The following CNOT4 variants were observed in gnomAD, a reference collection of about 807,000 sequenced individuals.
The protein encoded by CNOT4 is CCR4-NOT transcription complex subunit 4, also known as CCR4-associated factor 4.
In CNOT4, 8 loss-of-function variants were observed where a neutral mutation model predicts 73.8. The observed-to-expected ratio is 0.11, with a 90% CI of 0.06 to 0.20. The LOEUF is 0.20. Ranked by LOEUF, CNOT4 falls within the 10% of genes least tolerant of loss-of-function variation. CNOT4 has a pLI of 1.00. For synonymous variants in CNOT4, 293 were observed against 321.1 expected (o/e 0.91, Z 0.94); for missense variants, 564 against 883.4 (o/e 0.64, Z 4.58).
At chr7:135,405,405 G>C (rs1797225874) in intron 7 of CNOT4, among the ~76,000 whole-genome samples, 1 of 151,990 alleles carries the variant, frequency 6.6e-6, no homozygotes, top group South Asian at 2.1e-4. Context: ...CACTGTCTTG[G>C]GCACAGCAGC....
chr7:135,425,183 T>C (rs1045351952), intron 2 of CNOT4, among the ~76,000 whole-genome samples: 4 of 152,234 alleles, frequency 2.6e-5, no homozygotes, highest in Admixed American at 6.5e-5. Context: ...AATCTGGTTC[T>C]TCATCACAGA....
chr7:135,388,420 T>C, intron 10 of CNOT4: 4 of 984,336 alleles, frequency 4.1e-6, no homozygotes, highest in Non-Finnish European at 4.8e-6. Context: ...ATTAGGATAT[T>C]ATTTTTTCAC....
chr7:135,423,469 G>A (rs1408247896), intron 2 of CNOT4, among the ~76,000 whole-genome samples: 4 of 145,246 alleles, frequency 2.8e-5, no homozygotes, highest in East Asian at 3.9e-4. Context: ...ATATATAAGC[G>A]TTAAAAAAAA....
intron 1 of CNOT4, among the ~76,000 whole-genome samples, chr7:135,438,940 G>T (rs2129485345): frequency 6.6e-6 from 1 of 152,122 alleles, no homozygotes; most frequent in South Asian, 2.1e-4. Context: ...TAGAACCATA[G>T]ACCTTAACAA....
chr7:135,389,157 C>CAAAAAAAA (rs11292254), intron 10 of CNOT4, among the ~76,000 whole-genome samples: 8 of 83,684 alleles, frequency 9.6e-5, no homozygotes, highest in African/African-American at 3.1e-4. Context: ...AACATACTAC[C>CAAAAAAAA]AAAAAAAAAA....
At chr7:135,476,805 C>T (rs996547728) in intron 1 of CNOT4, among the ~76,000 whole-genome samples, 1 of 152,118 alleles carries the variant, frequency 6.6e-6, no homozygotes, top group African/African-American at 2.4e-5. Context: ...AATCCCATCT[C>T]TACAAAAAAT....
intron 1 of CNOT4, among the ~76,000 whole-genome samples, chr7:135,477,772 C>G (rs1222853663): frequency 6.6e-6 from 1 of 152,102 alleles, no homozygotes; most frequent in Non-Finnish European, 1.5e-5. Context: ...ATTAGTATAA[C>G]AAAAACAAAC....
intron 9 of CNOT4, 78 bp downstream of exon 9, chr7:135,395,556 C>T: frequency 7.0e-7 from 1 of 1,425,146 alleles, no homozygotes; most frequent in South Asian, 1.4e-5. Flanking sequence ...AAAATATATC[C>T]ACTAATGAGT....
In CNOT4 at chr7:135,376,766, A is replaced by G. The variant is rs1055077699; in HGVS notation, c.1628-12700T>C. Among the ~76,000 whole-genome samples the G allele has an allele frequency of 2.6e-5, 4 of 152,186 alleles. No homozygotes were observed. The East Asian group carries it at 7.7e-4, about 29-fold the overall frequency. ...AAAAGATGGCTCCTATCAGCATCGA[A>G]TTGTCTTAAGCATTTAAATCAACAT... On this transcript the variant is annotated intron_variant, in intron 10 of 11. Coordinates refer to ENST00000541284, the MANE Select transcript of CNOT4 (RefSeq NM_001190850.2).
intron 7 of CNOT4, among the ~76,000 whole-genome samples, chr7:135,407,145 G>T (rs1468296822): frequency 6.6e-6 from 1 of 152,160 alleles, no homozygotes; most frequent in South Asian, 2.1e-4. Context: ...TGCTATCGCT[G>T]TATATGATGT....
chr7:135,373,236 G>C (rs997563550), intron 10 of CNOT4, among the ~76,000 whole-genome samples: 4 of 152,214 alleles, frequency 2.6e-5, no homozygotes, highest in Non-Finnish European at 5.9e-5. Flanking sequence ...GGGAATATCA[G>C]GAAAAGCCAC....
At chr7:135,488,867 A>G (rs1802916316) in intron 1 of CNOT4, among the ~76,000 whole-genome samples, 1 of 152,192 alleles carries the variant, frequency 6.6e-6, no homozygotes. Flanking sequence ...CAATGTAGAG[A>G]AAGAATAAGT....
chr7:135,406,247 A>G (rs1427340650), intron 7 of CNOT4, among the ~76,000 whole-genome samples: 1 of 151,868 alleles, frequency 6.6e-6, no homozygotes, highest in Non-Finnish European at 1.5e-5. Flanking sequence ...TGGGCCATTA[A>G]TTGTCACTTA....
intron 2 of CNOT4, among the ~76,000 whole-genome samples, chr7:135,423,429 C>G (rs1248501436): frequency 6.7e-6 from 1 of 149,614 alleles, no homozygotes; most frequent in Non-Finnish European, 1.5e-5. Flanking sequence ...TTTGCTATGA[C>G]TTTAAAGTAA....
At position 135,464,910 on chromosome 7, in the gene CNOT4, T is replaced by C. The variant is rs550657511; in HGVS notation, c.-92-26487A>G. On this transcript the variant is annotated intron_variant, in intron 1 of 11. Coordinates refer to ENST00000541284, the MANE Select transcript of CNOT4 (RefSeq NM_001190850.2). ...TAATGACCAGAAAAATCTAAAGATA[T>C]TGCACAAATGAGTTTTTCCTAAGGT... 7.2e-5 allele frequency among the ~76,000 whole-genome samples: 11 copies of C among 152,220 alleles called. No individual in the cohort carries two copies. In the East Asian group the frequency reaches 1.7e-3, roughly 24 times the overall value.
intron 1 of CNOT4, among the ~76,000 whole-genome samples, chr7:135,447,759 AACTGTAGGCCAGCTAG>A (rs1466765634): frequency 6.6e-6 from 1 of 152,182 alleles, no homozygotes; most frequent in African/African-American, 2.4e-5. Context: ...ATACAGGCTA[AACTGTAGGCCAGCTAG>A]TTTGCAGGTG....
At chr7:135,400,478 T>C (rs1176142211) in intron 7 of CNOT4, among the ~76,000 whole-genome samples, 1 of 152,136 alleles carries the variant, frequency 6.6e-6, no homozygotes, top group Non-Finnish European at 1.5e-5. Context: ...TTCTAGTGTC[T>C]GGATCTTGGT....
chr7:135,371,740 T>C (rs993220259), intron 10 of CNOT4, among the ~76,000 whole-genome samples: 1 of 152,128 alleles, frequency 6.6e-6, no homozygotes, highest in African/African-American at 2.4e-5. Context: ...AATACTCATG[T>C]GCAAAGTTAT....
chr7:135,481,613 A>C (rs1802385676), intron 1 of CNOT4, among the ~76,000 whole-genome samples: 1 of 152,198 alleles, frequency 6.6e-6, no homozygotes, highest in African/African-American at 2.4e-5. Context: ...AAAAGAAAAG[A>C]ATCAGTGTAT....
Sources: allele counts gnomAD v4.1 joint callset (sites outside exome capture counted in the v4.1 genomes callset), GRCh38; gene constraint gnomAD v4.1.1; transcripts MANE v1.5; gene names NCBI Gene and HGNC (gene_info 2026-07-23, HGNC 2026-07-21).